Variants in HIBADH observed in about 807,000 individuals in gnomAD.
HIBADH encodes 3-hydroxyisobutyrate dehydrogenase, mitochondrial.
In HIBADH, 25 loss-of-function variants were observed where a neutral mutation model predicts 36.1. The observed-to-expected ratio is 0.69, with a 90% CI of 0.50 to 0.97. HIBADH has a LOEUF of 0.97. Among genes scored for constraint, HIBADH ranks in the 50% least tolerant of loss-of-function variants. The probability of loss-of-function intolerance (pLI) is 0.00; values close to 1 mark genes in which losing one functional copy is unlikely to be tolerated. For synonymous variants in HIBADH, 160 were observed against 149.5 expected (o/e 1.07, Z -0.51); for missense variants, 421 against 418.0 (o/e 1.01, Z -0.06).
chr7:27,590,653 T>C (rs988715758), intron 4 of HIBADH, among the ~76,000 whole-genome samples: 1 of 152,226 alleles, frequency 6.6e-6, no homozygotes, highest in Admixed American at 6.5e-5. Context: ...GCTCTACATC[T>C]ATCTACATAC....
At chr7:27,528,776 T>C (rs113217284) in intron 7 of HIBADH, among the ~76,000 whole-genome samples, 1 of 152,288 alleles carries the variant, frequency 6.6e-6, no homozygotes, top group African/African-American at 2.4e-5. Context: ...CTGATGAGGG[T>C]AGCCACACTA....
intron 4 of HIBADH, among the ~76,000 whole-genome samples, chr7:27,622,754 T>C (rs1269773745): frequency 1.3e-5 from 2 of 152,080 alleles, no homozygotes; most frequent in Admixed American, 6.5e-5. Context: ...TGAACTGACA[T>C]TATAGGTAGC....
At chr7:27,573,321 G>C (rs550634689) in intron 4 of HIBADH, among the ~76,000 whole-genome samples, 24 of 152,292 alleles carry the variant, frequency 1.6e-4, no homozygotes, top group Admixed American at 1.2e-3. Flanking sequence ...CTAGCAATCA[G>C]ATCTGGTAAA....
intron 4 of HIBADH, among the ~76,000 whole-genome samples, chr7:27,551,962 C>A (rs958341324): frequency 7.2e-5 from 11 of 152,148 alleles, no homozygotes; most frequent in African/African-American, 2.7e-4. Flanking sequence ...GTCACAGGGA[C>A]CATTTACGAC....
intron 3 of HIBADH, among the ~76,000 whole-genome samples, chr7:27,630,307 T>C (rs1185795728): frequency 6.6e-6 from 1 of 152,142 alleles, no homozygotes; most frequent in Non-Finnish European, 1.5e-5. Flanking sequence ...CGTCTAAGTT[T>C]TAAATTTTAT....
intron 7 of HIBADH, among the ~76,000 whole-genome samples, chr7:27,527,031 C>A (rs1221427627): frequency 6.6e-6 from 1 of 151,642 alleles, no homozygotes; most frequent in Non-Finnish European, 1.5e-5. Flanking sequence ...AGGTGGTGGG[C>A]AAGGAAGAAT....
chr7:27,582,077 C>A (rs879257162), intron 4 of HIBADH, among the ~76,000 whole-genome samples: 6 of 152,136 alleles, frequency 3.9e-5, no homozygotes, highest in Non-Finnish European at 7.4e-5. Flanking sequence ...TTAGGATTAA[C>A]AGTCTCTTTT....
chr7:27,538,686 C>T (rs1173439419), intron 5 of HIBADH, among the ~76,000 whole-genome samples: 2 of 152,038 alleles, frequency 1.3e-5, no homozygotes, highest in African/African-American at 4.8e-5. Context: ...GGGCTCAGCA[C>T]TATAGGGCAC....
At chr7:27,661,122 G>A (rs1484204196) in intron 1 of HIBADH, among the ~76,000 whole-genome samples, 2 of 152,120 alleles carry the variant, frequency 1.3e-5, no homozygotes, top group Admixed American at 6.5e-5. Flanking sequence ...AATATATGAA[G>A]CTCAAACAGT....
chr7:27,557,145 G>GC (rs1784402665), intron 4 of HIBADH, among the ~76,000 whole-genome samples: 2 of 144,446 alleles, frequency 1.4e-5, no homozygotes, highest in Admixed American at 6.9e-5. Context: ...GTCTAAAAAG[G>GC]AAAAAAAAAA....
intron 4 of HIBADH, among the ~76,000 whole-genome samples, chr7:27,605,873 G>A (rs1427521911): frequency 6.6e-6 from 1 of 152,084 alleles, no homozygotes; most frequent in Non-Finnish European, 1.5e-5. Context: ...TGGATGCAAT[G>A]CCACCTGGTG....
chr7:27,526,785 A>G (rs948908863), intron 7 of HIBADH, among the ~76,000 whole-genome samples: 2 of 152,238 alleles, frequency 1.3e-5, no homozygotes, highest in African/African-American at 4.8e-5. Context: ...AAATATTTGA[A>G]GTGTGCTGAC....
chr7:27,583,525 TTAA>T (rs2128287817), intron 4 of HIBADH, among the ~76,000 whole-genome samples: 2 of 152,152 alleles, frequency 1.3e-5, no homozygotes, highest in East Asian at 3.9e-4. Flanking sequence ...ATATTATATA[TTAA>T]TAACTTTTTG....
intron 4 of HIBADH, among the ~76,000 whole-genome samples, chr7:27,569,609 C>T (rs1784600287): frequency 6.6e-6 from 1 of 151,894 alleles, no homozygotes; most frequent in African/African-American, 2.4e-5. Flanking sequence ...TCATGCGGTC[C>T]CTTTATGAGC....
chr7:27,559,902 A>G (rs112940999), intron 4 of HIBADH, among the ~76,000 whole-genome samples: 1 of 152,240 alleles, frequency 6.6e-6, no homozygotes, highest in African/African-American at 2.4e-5. Context: ...AATGTCCAAT[A>G]TAACTGTAGT....
In HIBADH at chr7:27,649,547, T is replaced by G; in HGVS notation, c.178A>C (p.Lys60Gln). The G allele has an allele frequency of 1.2e-6, 2 of 1,614,048 alleles. No individual in the cohort carries two copies. The highest frequency in any genetic ancestry group is 2.2e-5 in the South Asian group (2 of 91,064). ...TAAATAATAAGTGGATAGCCATGTT[T>G]CATGAGATTTTTTGCCATTGGATTC... ...MGNPMAKNLM[K>Q]HGYPLIIYDV... Residue 60 changes from lysine to glutamine, a missense_variant, in exon 2 of 8, where the codon AAA (lysine) becomes CAA (glutamine). By Grantham distance (53) the Lys-to-Gln change is moderately conservative. Transcript: ENST00000265395.
chr7:27,538,000 C>T (rs1784091490), intron 6 of HIBADH, among the ~76,000 whole-genome samples: 2 of 152,150 alleles, frequency 1.3e-5, no homozygotes, highest in South Asian at 4.1e-4. Context: ...TTTGTCCCAA[C>T]ATTGCCAAAG....
chr7:27,526,115 G>C lies in HIBADH; in HGVS notation c.*99C>G. 1 of 981,554 alleles carries C rather than the reference G, an allele frequency of 1.0e-6. No homozygotes were observed. Among genetic ancestry groups the C allele is most frequent in the South Asian group, 2.3e-5 (1 of 43,666 alleles). The allele number at this position is 981,554 out of a possible 1,614,324, so 60.8% of individuals were successfully genotyped here. ...TGACCTAGACAATCAAAAGCAGATAGGTGACCTTTGATTAAATCCATTTAC... is the reference window on the plus strand; with the variant it reads ...TGACCTAGACAATCAAAAGCAGATACGTGACCTTTGATTAAATCCATTTAC... On this transcript the variant is annotated 3_prime_UTR_variant, in exon 8 of 8. Transcript: ENST00000265395.
chr7:27,651,920 T>C (rs1224509910), intron 1 of HIBADH, among the ~76,000 whole-genome samples: 1 of 152,108 alleles, frequency 6.6e-6, no homozygotes, highest in Admixed American at 6.6e-5. Context: ...CTGGATATTA[T>C]ACAAGGGGTA....
Sources: gnomAD v4.1 joint callset for allele counts (sites outside exome capture counted in the v4.1 genomes callset) on GRCh38, gnomAD v4.1.1 for gene constraint, MANE v1.5 for transcripts, NCBI Gene and HGNC (gene_info 2026-07-23, HGNC 2026-07-21) for gene names.